SUPT3H: variants seen among roughly 807,000 people sequenced by gnomAD.
The protein encoded by SUPT3H is SPT3 homolog, SAGA and STAGA complex component.
Under a neutral mutation model 44.3 loss-of-function variants are expected in SUPT3H, and 44 were observed. The observed-to-expected ratio is 0.99, with a 90% CI of 0.78 to 1.28. The LOEUF (loss-of-function observed/expected upper bound fraction) is 1.28, where lower values mean the gene tolerates loss of function less well. Ranked by LOEUF, SUPT3H falls within the 50% of genes most tolerant of loss-of-function variation. The pLI is 0.00. For synonymous variants in SUPT3H, 124 were observed against 125.6 expected (o/e 0.99, Z 0.09); for missense variants, 380 against 387.1 (o/e 0.98, Z 0.15).
chr6:45,042,679 G>A (rs568578106), intron 3 of SUPT3H, among the ~76,000 whole-genome samples: 34 of 152,146 alleles, frequency 2.2e-4, no homozygotes, highest in Non-Finnish European at 3.4e-4. Context: ...CATTGTGGAA[G>A]TCAGTGTGGC....
chr6:44,878,277 A>C (rs1582155232), intron 10 of SUPT3H, among the ~76,000 whole-genome samples: 1 of 152,232 alleles, frequency 6.6e-6, no homozygotes, highest in Non-Finnish European at 1.5e-5. Context: ...TGTTTGAAGC[A>C]AAGTCCATCA....
intron 2 of SUPT3H, among the ~76,000 whole-genome samples, chr6:45,158,559 C>T (rs1283011527): frequency 1.3e-5 from 2 of 151,772 alleles, no homozygotes; most frequent in East Asian, 1.9e-4. Flanking sequence ...CAGGATAACA[C>T]TCTTCTAGAT....
chr6:44,914,643 T>C (rs3799981), intron 10 of SUPT3H, among the ~76,000 whole-genome samples: 1 of 151,944 alleles, frequency 6.6e-6, no homozygotes, highest in Non-Finnish European at 1.5e-5. Flanking sequence ...ATAAGGCACA[T>C]TAAGTTTGAG....
chr6:45,045,258 T>G (rs1562329361), intron 3 of SUPT3H, among the ~76,000 whole-genome samples: 1 of 152,108 alleles, frequency 6.6e-6, no homozygotes, highest in Non-Finnish European at 1.5e-5. Flanking sequence ...GACCATACTT[T>G]GAGAACTACC....
chr6:45,304,536 C>T (rs938212713), intron 2 of SUPT3H, among the ~76,000 whole-genome samples: 1 of 152,126 alleles, frequency 6.6e-6, no homozygotes, highest in Non-Finnish European at 1.5e-5. Context: ...ACTAAACAGA[C>T]TGTTAGCAGA....
intron 6 of SUPT3H, among the ~76,000 whole-genome samples, chr6:44,982,348 C>T (rs765843518): frequency 3.3e-5 from 5 of 152,066 alleles, no homozygotes; most frequent in African/African-American, 7.2e-5. Flanking sequence ...CTCAGCCTCC[C>T]GAGTAGCTGG....
At chr6:45,006,837 T>C (rs1363087650) in intron 5 of SUPT3H, among the ~76,000 whole-genome samples, 5 of 152,164 alleles carry the variant, frequency 3.3e-5, no homozygotes, top group African/African-American at 1.2e-4. Context: ...TTAGCGCTTA[T>C]ATTGCATGTT....
intron 10 of SUPT3H, among the ~76,000 whole-genome samples, chr6:44,846,040 CT>C (rs1771821174): frequency 6.6e-6 from 1 of 152,200 alleles, no homozygotes; most frequent in Non-Finnish European, 1.5e-5. Flanking sequence ...ACGTTCACCC[CT>C]AGACACTGCC....
chr6:45,069,999 A>G (rs1794128374), intron 3 of SUPT3H, among the ~76,000 whole-genome samples: 1 of 152,174 alleles, frequency 6.6e-6, no homozygotes, highest in East Asian at 1.9e-4. Flanking sequence ...GGTGTGCAAC[A>G]AAGTGGGCAC....
chr6:45,034,379 C>A (rs1373035609), intron 3 of SUPT3H, among the ~76,000 whole-genome samples: 1 of 151,790 alleles, frequency 6.6e-6, no homozygotes, highest in Non-Finnish European at 1.5e-5. Context: ...CCTCCTGGAA[C>A]ACAGAAAAGA....
Position 44,964,912 on chromosome 6 carries a change from G to A in SUPT3H, c.505-3084C>T, listed in dbSNP as rs140126006. Among the ~76,000 whole-genome samples the A allele has an allele frequency of 4.9e-3, 745 of 152,290 alleles. 6 individuals carry two copies. The highest frequency in any genetic ancestry group is 0.017 in the African/African-American group (700 of 41,570). The stretch of plus-strand genomic sequence containing the variant: ...TCAAAGGGAATTGAGGCTCAGAGAA[G>A]TGATTTGTCAAAGGTGGACTAAGTT... On this transcript the variant is annotated intron_variant, in intron 6 of 10. Transcript: ENST00000371459.
At chr6:45,162,114 TC>T (rs1809088488) in intron 2 of SUPT3H, among the ~76,000 whole-genome samples, 1 of 152,046 alleles carries the variant, frequency 6.6e-6, no homozygotes, top group South Asian at 2.1e-4. Flanking sequence ...TTTTTCACAT[TC>T]CCCAACCTGA....
intron 2 of SUPT3H, among the ~76,000 whole-genome samples, chr6:45,162,424 T>C (rs910590149): frequency 6.6e-6 from 1 of 152,120 alleles, no homozygotes; most frequent in Non-Finnish European, 1.5e-5. Flanking sequence ...CTCAGGAGAC[T>C]GAGGCAGGAG....
intron 3 of SUPT3H, chr6:45,099,000 C>G: frequency 7.7e-6 from 3 of 391,664 alleles, no homozygotes; most frequent in South Asian, 6.0e-5. Context: ...TCCAGCACTG[C>G]CATGAGCTCT....
intron 10 of SUPT3H, among the ~76,000 whole-genome samples, chr6:44,895,488 A>G (rs1026085709): frequency 1.7e-4 from 26 of 152,186 alleles, no homozygotes; most frequent in African/African-American, 6.0e-4. Context: ...ACTGTTTGGA[A>G]CTGTAGATAT....
At chr6:45,175,474 C>G (rs990429806) in intron 2 of SUPT3H, among the ~76,000 whole-genome samples, 1 of 152,124 alleles carries the variant, frequency 6.6e-6, no homozygotes, top group African/African-American at 2.4e-5. Context: ...TTACCTCCAC[C>G]TGGTCTCTCC....
intron 3 of SUPT3H, among the ~76,000 whole-genome samples, chr6:45,078,091 T>G (rs1479612283): frequency 6.6e-6 from 1 of 152,216 alleles, no homozygotes; most frequent in East Asian, 1.9e-4. Context: ...CAGACTGGTC[T>G]TGAACTCCTG....
At chr6:45,072,497 A>G (rs544159926) in intron 3 of SUPT3H, among the ~76,000 whole-genome samples, 2 of 152,268 alleles carry the variant, frequency 1.3e-5, no homozygotes, top group East Asian at 3.9e-4. Flanking sequence ...GTGAAGGTAG[A>G]AAACAAAAAA....
At chr6:44,843,931 A>ACGCGCG (rs1307178665) in intron 10 of SUPT3H, among the ~76,000 whole-genome samples, 1 of 6,638 alleles carries the variant, frequency 1.5e-4, no homozygotes, top group African/African-American at 1.7e-4. Flanking sequence ...ACACACGCAC[A>ACGCGCG]CACACACACA....
Sources: allele counts gnomAD v4.1 joint callset (sites outside exome capture counted in the v4.1 genomes callset), GRCh38; gene constraint gnomAD v4.1.1; transcripts MANE v1.5; gene names NCBI Gene and HGNC (gene_info 2026-07-23, HGNC 2026-07-21).